EIF4G3: variants seen among roughly 807,000 people sequenced by gnomAD.
The protein encoded by EIF4G3 is eIF-4-gamma 3.
In EIF4G3, 34 loss-of-function variants were observed where a neutral mutation model predicts 186.4. The observed-to-expected ratio is 0.18, with a 90% CI of 0.14 to 0.24. EIF4G3 has a LOEUF of 0.24. Ranked by LOEUF, EIF4G3 falls within the 10% of genes least tolerant of loss-of-function variation. The pLI is 1.00. For synonymous variants in EIF4G3, 673 were observed against 679.5 expected (o/e 0.99, Z 0.15); for missense variants, 1,536 against 1,948.5 (o/e 0.79, Z 3.99).
intron 2 of EIF4G3, among the ~76,000 whole-genome samples, chr1:21,134,025 A>G (rs1338255264): frequency 3.3e-5 from 5 of 152,220 alleles, no homozygotes; most frequent in Non-Finnish European, 7.3e-5. Context: ...TAAATATAGT[A>G]AAGCAGACCC....
chr1:20,959,854 T>C (rs1244951328), intron 12 of EIF4G3, among the ~76,000 whole-genome samples: 1 of 152,104 alleles, frequency 6.6e-6, no homozygotes, highest in African/African-American at 2.4e-5. Context: ...GCTGCAAGAA[T>C]GACCATTATT....
At chr1:20,910,261 G>T (rs932318595) in intron 14 of EIF4G3, among the ~76,000 whole-genome samples, 9 of 152,114 alleles carry the variant, frequency 5.9e-5, no homozygotes, top group Non-Finnish European at 1.0e-4. Flanking sequence ...TAAAAATTAA[G>T]ACATTTTATT....
At chr1:21,145,954 T>G (rs1161818371) in intron 2 of EIF4G3, among the ~76,000 whole-genome samples, 1 of 151,998 alleles carries the variant, frequency 6.6e-6, no homozygotes, top group East Asian at 1.9e-4. Context: ...ATTAGCTGAT[T>G]GTGGTGGGCA....
intron 2 of EIF4G3, among the ~76,000 whole-genome samples, chr1:21,106,711 G>C (rs2096624418): frequency 6.6e-6 from 1 of 151,824 alleles, no homozygotes; most frequent in Non-Finnish European, 1.5e-5. Flanking sequence ...CATAAAAATA[G>C]CATTTAATGC....
At chr1:20,938,212 C>G (rs1415732673) in intron 14 of EIF4G3, among the ~76,000 whole-genome samples, 1 of 152,130 alleles carries the variant, frequency 6.6e-6, no homozygotes, top group Non-Finnish European at 1.5e-5. Context: ...CCAGGCTGGT[C>G]CCAAACTCGT....
intron 10 of EIF4G3, 40 bp downstream of exon 10, chr1:20,980,294 A>T (rs376504560): frequency 1.4e-6 from 2 of 1,423,096 alleles, no homozygotes; most frequent in African/African-American, 3.0e-5. Flanking sequence ...TTAAATAAAC[A>T]CAAAAAACTA....
chr1:21,110,237 G>C (rs2096697936), intron 2 of EIF4G3, among the ~76,000 whole-genome samples: 1 of 151,956 alleles, frequency 6.6e-6, no homozygotes, highest in Non-Finnish European at 1.5e-5. Context: ...ACATTCTACA[G>C]GGAGCTCTTA....
At chr1:20,971,322 G>C (rs2075846950) in intron 11 of EIF4G3, among the ~76,000 whole-genome samples, 1 of 152,214 alleles carries the variant, frequency 6.6e-6, no homozygotes, top group South Asian at 2.1e-4. Flanking sequence ...TCTAATGCCA[G>C]CTATTGTTTA....
intron 3 of EIF4G3, among the ~76,000 whole-genome samples, chr1:21,072,309 G>C (rs2095466228): frequency 6.6e-6 from 1 of 152,166 alleles, no homozygotes; most frequent in Non-Finnish European, 1.5e-5. Flanking sequence ...CAAGGTACAA[G>C]GATTCCTTGA....
chr1:20,857,634 C>T, intron 24 of EIF4G3, 137 bp from the exon 25 acceptor site: 2 of 767,084 alleles, frequency 2.6e-6, no homozygotes, highest in Non-Finnish European at 4.4e-6. Context: ...ATCTTTAATC[C>T]CATGGCAGGA....
chr1:20,827,883 C>A (rs1452994818), intron 31 of EIF4G3, among the ~76,000 whole-genome samples, 185 bp from the exon 32 acceptor site: 1 of 151,490 alleles, frequency 6.6e-6, no homozygotes, highest in Admixed American at 6.6e-5. Flanking sequence ...CATGTGAGTT[C>A]TTGGTTTTTA....
intron 20 of EIF4G3, among the ~76,000 whole-genome samples, chr1:20,869,066 A>G (rs1369486231): frequency 6.6e-6 from 1 of 152,182 alleles, no homozygotes; most frequent in Non-Finnish European, 1.5e-5. Flanking sequence ...TAATTATGGT[A>G]ATCAAACAGA....
chr1:21,127,816 G>A (rs1401788389), intron 2 of EIF4G3, among the ~76,000 whole-genome samples: 1 of 152,174 alleles, frequency 6.6e-6, no homozygotes, highest in Non-Finnish European at 1.5e-5. Flanking sequence ...GTTAAAGATA[G>A]ATGTCTTATA....
chr1:20,870,251 G>A (rs2078825726), intron 20 of EIF4G3, among the ~76,000 whole-genome samples: 1 of 151,540 alleles, frequency 6.6e-6, no homozygotes, highest in Non-Finnish European at 1.5e-5. Context: ...CCTATTCTCA[G>A]TCCTGTCATT....
chr1:20,853,998 T>C (rs2074122729), intron 26 of EIF4G3, among the ~76,000 whole-genome samples: 1 of 152,140 alleles, frequency 6.6e-6, no homozygotes, highest in Non-Finnish European at 1.5e-5. Flanking sequence ...GCACAAATGC[T>C]CCAATCTCAT....
chr1:20,855,121 T>C (rs1261660876), intron 25 of EIF4G3, 50 bp from the exon 26 acceptor site: 2 of 1,410,856 alleles, frequency 1.4e-6, no homozygotes, highest in Non-Finnish European at 9.7e-7. Context: ...TCTAGAAGAA[T>C]AGTTTTTCTT....
At chr1:21,172,780 T>C (rs1370902842) in intron 2 of EIF4G3, among the ~76,000 whole-genome samples, 3 of 150,096 alleles carry the variant, frequency 2.0e-5, no homozygotes, top group African/African-American at 7.4e-5. Flanking sequence ...GATCTCCTGA[T>C]CTCATGATCT....
Position 20,849,619 on chromosome 1 carries a change from A to G in EIF4G3, c.3773-89T>C. ...ATGGTTGACAATATTATGTGCTATT[A>G]CATTATTTTAATAGCTACAAGACAT... On this transcript the variant is annotated intron_variant, in intron 28 of 36. Transcript: ENST00000602326. 5.6e-6 allele frequency: 3 copies of G among 536,382 alleles called. No individual in the cohort carries two copies. The South Asian group carries it at 1.2e-4, about 21-fold the overall frequency. 33.2% of individuals were successfully genotyped at this position (536,382 alleles called of 1,614,324 possible). A position where few individuals can be genotyped will look rare whatever the true frequency, so the allele number is the denominator to read the frequency against.
intron 2 of EIF4G3, among the ~76,000 whole-genome samples, chr1:21,122,393 GAAAACCAA>G (rs2096941925): frequency 6.6e-6 from 1 of 152,006 alleles, no homozygotes; most frequent in African/African-American, 2.4e-5. Context: ...CCATATACTG[GAAAACCAA>G]AAAACTAAAT....
Sources: allele counts gnomAD v4.1 joint callset (sites outside exome capture counted in the v4.1 genomes callset), GRCh38; gene constraint gnomAD v4.1.1; transcripts MANE v1.5; gene names NCBI Gene and HGNC (gene_info 2026-07-23, HGNC 2026-07-21).